GTPBP1: variants seen among roughly 807,000 people sequenced by gnomAD.
The protein encoded by GTPBP1 is GTP-binding protein 1.
Under a neutral mutation model 62.0 loss-of-function variants are expected in GTPBP1, and 23 were observed. That is an observed-to-expected ratio of 0.37 (90% CI 0.27 to 0.53). The LOEUF is 0.53. GTPBP1 is among the 20% of genes least tolerant of loss of function. The pLI, the probability that GTPBP1 is intolerant of heterozygous loss-of-function variation, is 0.89. For missense variants in GTPBP1, 640 were observed against 917.3 expected, an observed-to-expected ratio of 0.70 and a Z score of 3.90; for synonymous variants, 344 against 364.4, an observed-to-expected ratio of 0.94 and a Z score of 0.64.
At chr22:38,740,175 A>C (rs561350749), downstream of GTPBP1, 354 of 1,418,666 alleles carry the variant, frequency 2.5e-4, 1 homozygote, top group African/African-American at 4.4e-3. This position sits in a 1 kb window ranked among gnomAD's most constrained non-coding sequence, Gnocchi z 4.8. Context: ...CAGAGGCTGC[A>C]GGGGCAAGGG....
At chr22:38,739,725 C>T, downstream of GTPBP1, 2 of 1,613,404 alleles carry the variant, frequency 1.2e-6, no homozygotes, top group Admixed American at 1.7e-5. The surrounding 1 kb of genome is among the most constrained non-coding windows in gnomAD (Gnocchi z 6.7). Context: ...GCCTCACCTC[C>T]TCTGTCACTC....
At chr22:38,707,657 T>A (rs112347067) in intron 1 of GTPBP1, among the ~76,000 whole-genome samples, 11 of 152,274 alleles carry the variant, frequency 7.2e-5, no homozygotes, top group African/African-American at 2.4e-4. Context: ...TGAAGAAACA[T>A]GATAGGAAAT....
At chr22:38,729,250 C>A in intron 10 of GTPBP1, 1 of 502,798 alleles carries the variant, frequency 2.0e-6, no homozygotes, top group Non-Finnish European at 3.5e-6. Context: ...GAGTCCAGGG[C>A]CATAGCAGTC....
chr22:38,731,116 G>A lies in GTPBP1; in HGVS notation c.*412G>A, dbSNP rs1040219325. 4.4e-5 allele frequency: 7 copies of A among 160,580 alleles called. No individual in the cohort carries two copies. In the South Asian group the frequency reaches 9.9e-4, roughly 23 times the overall value. The allele number at this position is 160,580 out of a possible 1,614,324, so 9.9% of individuals were successfully genotyped here. ...TTCTCCTCCATGGCTGTCTGCCTGC[G>A]TATCTGTCTCTGAGAATCCTCGGGG... On this transcript the variant is annotated 3_prime_UTR_variant, in exon 12 of 12. Coordinates refer to ENST00000216044, the MANE Select transcript of GTPBP1 (RefSeq NM_004286.5).
At chr22:38,723,487 TC>T in intron 5 of GTPBP1, 4 of 790,394 alleles carry the variant, frequency 5.1e-6, no homozygotes, top group Non-Finnish European at 6.4e-6. Context: ...AGAGTAGCCT[TC>T]CCACAGCAGC....
At chr22:38,738,005 G>A (rs1238336255), downstream of GTPBP1, 1 of 729,712 alleles carries the variant, frequency 1.4e-6, no homozygotes, top group Non-Finnish European at 2.5e-6. The surrounding 1 kb of genome is among the most constrained non-coding windows in gnomAD (Gnocchi z 6.6). Context: ...GCTGACGTCT[G>A]CAGGATGCGT....
intron 5 of GTPBP1, among the ~76,000 whole-genome samples, chr22:38,722,446 A>G (rs536375676): frequency 3.3e-5 from 5 of 152,358 alleles, no homozygotes; most frequent in Admixed American, 2.0e-4. Context: ...GCAAGCTTCA[A>G]GTAAGGCTAA....
At chr22:38,722,647 T>C in intron 5 of GTPBP1, 1 of 1,482,510 alleles carries the variant, frequency 6.7e-7, no homozygotes. Flanking sequence ...ATTGGTTCCT[T>C]GCCTTCTACA....
At chr22:38,711,776 G>T (rs1470806966) in intron 2 of GTPBP1, among the ~76,000 whole-genome samples, 1 of 152,106 alleles carries the variant, frequency 6.6e-6, no homozygotes, top group Non-Finnish European at 1.5e-5. Context: ...CCCGGAGGTG[G>T]AGGTTGCAGT....
In GTPBP1 at chr22:38,724,282, A is replaced by T. The variant is rs1312401451; in HGVS notation, c.959-15A>T. ...GGCTGTGTCCCCCTAATTCTGTTCC[A>T]TTGCACCCTTTAAGAAACCCTGAAG... On this transcript the variant is annotated splice_polypyrimidine_tract_variant and intron_variant, in intron 5 of 11. Transcript: ENST00000216044. 7 of 1,526,302 alleles carry T rather than the reference A, an allele frequency of 4.6e-6. No homozygotes were observed. Among genetic ancestry groups the T allele is most frequent in the East Asian group, 4.5e-5 (2 of 44,458 alleles). The allele number at this position is 1,526,302 out of a possible 1,614,324, so 94.5% of individuals were successfully genotyped here. A position where few individuals can be genotyped will look rare whatever the true frequency, so the allele number is the denominator to read the frequency against.
chr22:38,724,292 T>C lies in GTPBP1; in HGVS notation c.959-5T>C. On this transcript the variant is annotated splice_region_variant and splice_polypyrimidine_tract_variant and intron_variant, in intron 5 of 11. Transcript: ENST00000216044. Reference sequence around the variant, plus strand: ...CCCTAATTCTGTTCCATTGCACCCTTTAAGAAACCCTGAAGCTGTTACAGC... The same window carrying C: ...CCCTAATTCTGTTCCATTGCACCCTCTAAGAAACCCTGAAGCTGTTACAGC... 2 of 1,591,386 alleles carry C rather than the reference T, an allele frequency of 1.3e-6. No homozygotes were observed. The highest frequency in any genetic ancestry group is 1.7e-6 in the Non-Finnish European group (2 of 1,159,332).
At chr22:38,714,489 A>AAAAAAG in intron 2 of GTPBP1, among the ~76,000 whole-genome samples, 1 of 151,874 alleles carries the variant, frequency 6.6e-6, no homozygotes, top group Non-Finnish European at 1.5e-5. Flanking sequence ...AAAAAAAAAA[A>AAAAAAG]AAAAAAAAAA....
chr22:38,710,547 T>C (rs940473486), intron 2 of GTPBP1, among the ~76,000 whole-genome samples: 4 of 152,050 alleles, frequency 2.6e-5, no homozygotes, highest in African/African-American at 9.7e-5. Context: ...AACTAAGAGG[T>C]TGCGTATCAA....
At chr22:38,735,241 G>A (rs1477452281), downstream of GTPBP1, 8 of 455,588 alleles carry the variant, frequency 1.8e-5, no homozygotes, top group Middle Eastern at 3.3e-4. Context: ...CCAGAAGGGC[G>A]ACTACCTGAA....
At chr22:38,710,733 A>C (rs1191948566) in intron 2 of GTPBP1, among the ~76,000 whole-genome samples, 1 of 152,204 alleles carries the variant, frequency 6.6e-6, no homozygotes. Flanking sequence ...AAGATCACTT[A>C]ATAATTGTAG....
In GTPBP1 at chr22:38,727,337, AC is replaced by A; in HGVS notation, c.1528del (p.Gln510ArgfsTer16). On this transcript the variant is annotated frameshift_variant, in exon 9 of 12. Coordinates refer to ENST00000216044, the MANE Select transcript of GTPBP1 (RefSeq NM_004286.5). LOFTEE classifies it high-confidence loss of function. This position sits in a 1 kb window ranked among gnomAD's most constrained non-coding sequence, Gnocchi z 6.5. The part of the protein sequence containing the change: ...LHHPTTISPR[Y>X]QAMVHCGSIR... The stretch of plus-strand genomic sequence containing the variant: ...CACCCCACCACAATTAGCCCGCGCT[AC>A]CAGGCCATGGGTAGGTGTCTAAGGC... 6.3e-7 allele frequency: 1 copy of A among 1,580,948 alleles called. No homozygotes were observed. The highest frequency in any genetic ancestry group is 1.4e-5 in the African/African-American group (1 of 73,102).
At chr22:38,708,765 T>C (rs1183886709) in intron 1 of GTPBP1, 80 bp from the exon 2 acceptor site, 2 of 814,906 alleles carry the variant, frequency 2.5e-6, no homozygotes, top group African/African-American at 3.4e-5. Flanking sequence ...TCAGGATCTT[T>C]GGTTAGGCTA....
chr22:38,741,799 G>A (rs1445327703), downstream of GTPBP1, among the ~76,000 whole-genome samples: 4 of 152,300 alleles, frequency 2.6e-5, no homozygotes, highest in Middle Eastern at 6.8e-3. Context: ...CTATGGGGGT[G>A]GGGGAGACAC....
intron 11 of GTPBP1, 39 bp downstream of exon 11, chr22:38,729,701 G>T (rs770269076): frequency 6.7e-5 from 93 of 1,395,754 alleles, no homozygotes; most frequent in Non-Finnish European, 8.7e-5. Context: ...ATGGTGGTGG[G>T]GGCTGTGGCT....
Sources: allele counts gnomAD v4.1 joint callset (sites outside exome capture counted in the v4.1 genomes callset), GRCh38; gene constraint gnomAD v4.1.1; non-coding constraint Gnocchi (gnomAD v3.1); transcripts MANE v1.5; gene names NCBI Gene and HGNC (gene_info 2026-07-23, HGNC 2026-07-21).